CFAP210: variants seen among roughly 807,000 people sequenced by gnomAD.
The protein encoded by CFAP210 is cilia and flagella associated protein 210.
the CFAP210 span, among the ~76,000 whole-genome samples, chr2:169,667,239 A>G: frequency 1.3e-5 from 2 of 151,496 alleles, no homozygotes; most frequent in African/African-American, 4.9e-5. Flanking sequence ...CCCGGGTTCA[A>G]GAGATTCTCC....
chr2:169,671,138 CTA>C, the CFAP210 span, among the ~76,000 whole-genome samples: 1 of 152,300 alleles, frequency 6.6e-6, no homozygotes, highest in East Asian at 1.9e-4. Context: ...CGATCCTAGC[CTA>C]TCTCTCCAAC....
the CFAP210 span, among the ~76,000 whole-genome samples, chr2:169,683,514 T>C: frequency 6.6e-6 from 1 of 152,196 alleles, no homozygotes. Context: ...CATCTGCCTT[T>C]TGATTAACAA....
At chr2:169,647,888 G>A in the CFAP210 span, among the ~76,000 whole-genome samples, 3 of 152,068 alleles carry the variant, frequency 2.0e-5, no homozygotes, top group Non-Finnish European at 1.5e-5. Flanking sequence ...CGGGCACAGT[G>A]GCTCATGCGT....
At chr2:169,663,313 TCGA>T in the CFAP210 span, among the ~76,000 whole-genome samples, 1 of 151,222 alleles carries the variant, frequency 6.6e-6, no homozygotes, top group Admixed American at 6.6e-5. Context: ...ATAGGGCAGG[TCGA>T]CAACCCACCT....
chr2:169,694,395 A>G, the CFAP210 span: 1 of 1,480,788 alleles, frequency 6.8e-7, no homozygotes, highest in East Asian at 2.3e-5. Flanking sequence ...TGGAGTTGTT[A>G]CTCGTACCAC....
At chr2:169,645,473 TA>T in the CFAP210 span, 1 of 175,492 alleles carries the variant, frequency 5.7e-6, no homozygotes, top group East Asian at 1.5e-4. Context: ...GCAAAGCAGA[TA>T]AAGTTACCAG....
At chr2:169,674,706 T>C in the CFAP210 span, 2 of 1,609,182 alleles carry the variant, frequency 1.2e-6, no homozygotes, top group Non-Finnish European at 1.7e-6. Flanking sequence ...GATTTTATCT[T>C]ACTCTTTCGG....
chr2:169,688,719 G>A, the CFAP210 span, among the ~76,000 whole-genome samples: 6 of 152,086 alleles, frequency 3.9e-5, no homozygotes, highest in Middle Eastern at 3.2e-3. Flanking sequence ...TGTCCATGTC[G>A]CTATCAGCAT....
the CFAP210 span, among the ~76,000 whole-genome samples, chr2:169,664,172 T>C: frequency 6.6e-6 from 1 of 152,086 alleles, no homozygotes; most frequent in South Asian, 2.1e-4. Context: ...CACTCTGGCC[T>C]GAGTGGGAGC....
the CFAP210 span, among the ~76,000 whole-genome samples, chr2:169,686,869 G>A: frequency 1.3e-5 from 2 of 152,166 alleles, no homozygotes; most frequent in Non-Finnish European, 2.9e-5. Context: ...ATATGTATTA[G>A]TATATTTTCA....
At chr2:169,668,458 A>G in the CFAP210 span, among the ~76,000 whole-genome samples, 1 of 152,120 alleles carries the variant, frequency 6.6e-6, no homozygotes, top group Non-Finnish European at 1.5e-5. Context: ...CTTTCCATTC[A>G]CAGCTTGGCT....
the CFAP210 span, chr2:169,649,211 C>T: frequency 5.0e-6 from 8 of 1,612,798 alleles, no homozygotes; most frequent in Non-Finnish European, 5.9e-6. Context: ...TCTTGAACCT[C>T]TTGATGTTCT....
chr2:169,679,200 A>G, the CFAP210 span, among the ~76,000 whole-genome samples: 1 of 152,270 alleles, frequency 6.6e-6, no homozygotes, highest in African/African-American at 2.4e-5. Context: ...ATAGACCTAT[A>G]CAGGAAACCA....
chr2:169,677,156 C>G, the CFAP210 span, among the ~76,000 whole-genome samples: 1 of 152,270 alleles, frequency 6.6e-6, no homozygotes, highest in East Asian at 1.9e-4. Flanking sequence ...AGGCAAATGA[C>G]GAGAAGCTGC....
At chr2:169,675,008 CT>C in the CFAP210 span, 4 of 1,529,540 alleles carry the variant, frequency 2.6e-6, no homozygotes, top group East Asian at 2.4e-5. Context: ...CATCACGCTT[CT>C]TTTTGGCTTC....
At chr2:169,668,338 T>C in the CFAP210 span, among the ~76,000 whole-genome samples, 24 of 152,360 alleles carry the variant, frequency 1.6e-4, no homozygotes, top group South Asian at 5.0e-3. Context: ...GGTTTGAGCT[T>C]CTATCCAAAC....
the CFAP210 span, among the ~76,000 whole-genome samples, chr2:169,652,455 A>C: frequency 6.6e-6 from 1 of 152,128 alleles, no homozygotes; most frequent in Non-Finnish European, 1.5e-5. Context: ...AAACATTAGA[A>C]GTTGGGCATG....
At chr2:169,690,239 T>C in the CFAP210 span, among the ~76,000 whole-genome samples, 1 of 152,252 alleles carries the variant, frequency 6.6e-6, no homozygotes, top group African/African-American at 2.4e-5. Flanking sequence ...TTTCTTGTGA[T>C]ATCTTTGTCT....
chr2:169,671,445 C>T, the CFAP210 span, among the ~76,000 whole-genome samples: 19 of 152,094 alleles, frequency 1.2e-4, no homozygotes, highest in Non-Finnish European at 2.8e-4. Flanking sequence ...TTATTTGTTC[C>T]ATTTCTGTAC....
Sources: allele counts gnomAD v4.1 joint callset (sites outside exome capture counted in the v4.1 genomes callset), GRCh38; gene constraint gnomAD v4.1.1; transcripts MANE v1.5; gene names NCBI Gene and HGNC (gene_info 2026-07-23, HGNC 2026-07-21).